The following MRPL12 variants were observed in gnomAD, a reference collection of about 807,000 sequenced individuals.
MRPL12 encodes the protein mitochondrial ribosomal protein L12, also known as large ribosomal subunit protein bL12m.
In MRPL12, 13 loss-of-function variants were observed where a neutral mutation model predicts 21.1. That is an observed-to-expected ratio of 0.62 (90% CI 0.40 to 0.98). MRPL12 has a LOEUF of 0.98. Ranked by LOEUF, MRPL12 falls within the 50% of genes least tolerant of loss-of-function variation. The pLI is 0.00. For missense variants in MRPL12, 251 were observed against 268.6 expected (o/e 0.93, Z 0.46); for synonymous variants, 126 against 115.3 (o/e 1.09, Z -0.60).
intron 3 of MRPL12, 54 bp from the exon 4 acceptor site, chr17:81,706,852 T>A (rs1440613702): frequency 6.3e-7 from 1 of 1,596,344 alleles, no homozygotes; most frequent in Non-Finnish European, 8.5e-7. Context: ...AGTGGAGGCG[T>A]TAGCTCCCCC....
chr17:81,703,948 A>T (rs1162067845), intron 1 of MRPL12, among the ~76,000 whole-genome samples: 1 of 152,200 alleles, frequency 6.6e-6, no homozygotes, highest in African/African-American at 2.4e-5. Flanking sequence ...CGCTGGGTTG[A>T]TGTAGTTCAT....
chr17:81,705,933 G>C (rs1423546089), intron 3 of MRPL12, among the ~76,000 whole-genome samples: 1 of 152,224 alleles, frequency 6.6e-6, no homozygotes, highest in Non-Finnish European at 1.5e-5. Context: ...GAATAGCTGG[G>C]ATTACTGTAG....
At position 81,704,244 on chromosome 17, in the gene MRPL12, G is replaced by A. The variant is rs1168091362; in HGVS notation, c.75G>A (p.Arg25=). The change falls in exon 2 of 5, where the codon AGG becomes AGA. Residue 25 remains arginine (R), a splice_region_variant and synonymous_variant. Transcript: ENST00000333676. ...GLRAAAFRLA[R]RQVPCVCAVR... ...TGTTTTAATTGGGGGTGGGGGCTAG[G>A]CGACAGGTGCCATGTGTCTGTGCCG... is the stretch of plus-strand genomic sequence containing the variant. 1 of 1,604,578 alleles carries A rather than the reference G, an allele frequency of 6.2e-7. No individual in the cohort carries two copies. Among genetic ancestry groups the A allele is most frequent in the African/African-American group, 1.3e-5 (1 of 74,598 alleles).
Position 81,707,282 on chromosome 17 carries a change from G to T in MRPL12, c.*42G>T, listed in dbSNP as rs200543966. ...CTTGTGTTCAGGGGTCCTGGGCCCCGGGCGAGGTCCCGCCCTCCCGTGGTC... is the reference window on the plus strand; with the variant it reads ...CTTGTGTTCAGGGGTCCTGGGCCCCTGGCGAGGTCCCGCCCTCCCGTGGTC... On this transcript the variant is annotated 3_prime_UTR_variant, in exon 5 of 5. Transcript: ENST00000333676. The T allele has an allele frequency of 1.3e-6, 2 of 1,515,716 alleles. No individual in the cohort carries two copies. The highest frequency in any genetic ancestry group is 2.3e-5 in the East Asian group (1 of 44,080). 93.9% of individuals were successfully genotyped at this position (1,515,716 alleles called of 1,614,324 possible).
chr17:81,707,277 G>C lies in MRPL12; in HGVS notation c.*37G>C, dbSNP rs1598755946. 6.6e-7 allele frequency: 1 copy of C among 1,524,536 alleles called. No individual in the cohort carries two copies. Among genetic ancestry groups the C allele is most frequent in the African/African-American group, 1.4e-5 (1 of 72,240 alleles). The allele number at this position is 1,524,536 out of a possible 1,614,324, so 94.4% of individuals were successfully genotyped here. A position where few individuals can be genotyped will look rare whatever the true frequency, so the allele number is the denominator to read the frequency against. ...GAGGACTTGTGTTCAGGGGTCCTGG[G>C]CCCCGGGCGAGGTCCCGCCCTCCCG... is the stretch of plus-strand genomic sequence containing the variant. On this transcript the variant is annotated 3_prime_UTR_variant, in exon 5 of 5. Transcript: ENST00000333676.
intron 1 of MRPL12, among the ~76,000 whole-genome samples, chr17:81,703,924 A>G (rs1352490760): frequency 6.6e-6 from 1 of 152,210 alleles, no homozygotes; most frequent in African/African-American, 2.4e-5. Flanking sequence ...GCACCTAAGT[A>G]ATAGTTTCGC....
At chr17:81,705,663 A>G (rs2037306760) in intron 3 of MRPL12, among the ~76,000 whole-genome samples, 1 of 152,208 alleles carries the variant, frequency 6.6e-6, no homozygotes, top group Non-Finnish European at 1.5e-5. Flanking sequence ...GAAGGGGTGT[A>G]ACAAGCAGCT....
chr17:81,704,857 G>A, intron 3 of MRPL12, 141 bp downstream of exon 3: 1 of 702,314 alleles, frequency 1.4e-6, no homozygotes, highest in Non-Finnish European at 2.4e-6. Context: ...GCAGCCTCCT[G>A]GGACCTACTC....
At position 81,703,413 on chromosome 17, in the gene MRPL12, C is replaced by A; in HGVS notation, c.-89C>A. On this transcript the variant is annotated 5_prime_UTR_variant, in exon 1 of 5. Transcript: ENST00000333676. ...CGGCAGCCGTGGCGGCTAGAGCGTT[C>A]CTCCCCAGCTCGAATGCCCGGCGGC... is the stretch of plus-strand genomic sequence containing the variant. The A allele has an allele frequency of 8.7e-7, 1 of 1,154,002 alleles. No individual in the cohort carries two copies. The highest frequency in any genetic ancestry group is 1.2e-6 in the Non-Finnish European group (1 of 850,070). The allele number at this position is 1,154,002 out of a possible 1,614,324, so 71.5% of individuals were successfully genotyped here. A position where few individuals can be genotyped will look rare whatever the true frequency, so the allele number is the denominator to read the frequency against.
chr17:81,703,657 GGGC>G, intron 1 of MRPL12, 82 bp downstream of exon 1: 2 of 1,223,140 alleles, frequency 1.6e-6, no homozygotes, highest in Non-Finnish European at 2.1e-6. Flanking sequence ...CGGGCGAGGA[GGGC>G]GGCGGGGCCG....
chr17:81,704,860 A>G (rs1324802555), intron 3 of MRPL12, 144 bp downstream of exon 3: 1 of 686,018 alleles, frequency 1.5e-6, no homozygotes, highest in East Asian at 2.7e-5. Context: ...GCCTCCTGGG[A>G]CCTACTCCCT....
chr17:81,704,820 G>A (rs1347130847), intron 3 of MRPL12, 104 bp downstream of exon 3: 5 of 1,014,842 alleles, frequency 4.9e-6, no homozygotes, highest in Non-Finnish European at 7.4e-6. Context: ...GTCATTGTCT[G>A]CAGCCTGCAC....
At chr17:81,704,761 C>T (rs755712142) in intron 3 of MRPL12, 45 bp downstream of exon 3, 2 of 1,515,258 alleles carry the variant, frequency 1.3e-6, no homozygotes, top group Admixed American at 1.8e-5. Flanking sequence ...GCCCAGTTCG[C>T]CTGTGGCCTC....
At chr17:81,704,584 T>G in intron 2 of MRPL12, 49 bp from the exon 3 acceptor site, 1 of 1,604,208 alleles carries the variant, frequency 6.2e-7, no homozygotes, top group South Asian at 1.1e-5. Context: ...CTCAGTAGGT[T>G]CCGGCTGGTG....
intron 2 of MRPL12, 92 bp downstream of exon 2, chr17:81,704,522 T>C: frequency 6.3e-7 from 1 of 1,579,730 alleles, no homozygotes; most frequent in Non-Finnish European, 8.7e-7. Flanking sequence ...TGGTAAATTG[T>C]CAAAAGTGTG....
In MRPL12 at chr17:81,704,334, C is replaced by T. The variant is rs745367200; in HGVS notation, c.165C>T (p.Asn55=). ...CEALAGAPLD[N]APKEYPPKIQ... ...CCCTCGCTGGTGCACCCCTGGATAA[C>T]GCCCCCAAGGAGTACCCCCCCAAGA... Residue 55 remains asparagine (N), a synonymous_variant, in exon 2 of 5, where the codon AAC becomes AAT. Transcript: ENST00000333676. 2.0e-5 allele frequency: 32 copies of T among 1,613,504 alleles called. No homozygotes were observed. The highest frequency in any genetic ancestry group is 1.6e-4 in the Middle Eastern group (1 of 6,070).
chr17:81,703,622 G>T, intron 1 of MRPL12, 47 bp downstream of exon 1: 1 of 1,337,932 alleles, frequency 7.5e-7, no homozygotes, highest in Non-Finnish European at 9.6e-7. Context: ...GGGTTAGGGG[G>T]CAGCCGGGCA....
rs1370825072 is a variant in MRPL12, at chr17:81,707,384, C to G, written c.*144C>G. ...GCCTGCGCCACGCAGCGGGGCCGGA[C>G]AGGCCGCACAGACCTACTGTGGCGG... On this transcript the variant is annotated 3_prime_UTR_variant, in exon 5 of 5. Coordinates refer to ENST00000333676, the MANE Select transcript of MRPL12 (RefSeq NM_002949.4). The G allele has an allele frequency of 1.3e-6, 1 of 791,830 alleles. No individual in the cohort carries two copies. The highest frequency in any genetic ancestry group is 2.0e-6 in the Non-Finnish European group (1 of 508,410). The allele number at this position is 791,830 out of a possible 1,614,324, so 49.1% of individuals were successfully genotyped here.
At chr17:81,703,872 G>C (rs887291466) in intron 1 of MRPL12, among the ~76,000 whole-genome samples, 2 of 152,248 alleles carry the variant, frequency 1.3e-5, no homozygotes, top group Admixed American at 6.5e-5. Flanking sequence ...GCGTTTTGCG[G>C]CCAGGGGCCC....
Sources: allele counts gnomAD v4.1 joint callset (sites outside exome capture counted in the v4.1 genomes callset), GRCh38; gene constraint gnomAD v4.1.1; transcripts MANE v1.5; gene names NCBI Gene and HGNC (gene_info 2026-07-23, HGNC 2026-07-21).